NWD2: variants seen among roughly 807,000 people sequenced by gnomAD.
The protein encoded by NWD2 is NACHT and WD repeat domain-containing protein 2.
In NWD2, 37 loss-of-function variants were observed where a neutral mutation model predicts 132.7. The ratio of observed to expected loss-of-function variants is 0.28; its 90% CI spans 0.21 to 0.37. The LOEUF (loss-of-function observed/expected upper bound fraction) is 0.37, where lower values mean the gene tolerates loss of function less well. NWD2 is among the 10% of genes least tolerant of loss of function. The pLI, the probability that NWD2 is intolerant of heterozygous loss-of-function variation, is 1.00. For missense variants in NWD2, 1,592 were observed against 2,122.4 expected (o/e 0.75, Z 4.91); for synonymous variants, 705 against 803.0 (o/e 0.88, Z 2.06).
At chr4:37,436,489 GC>G (rs1712325601) in intron 5 of NWD2, among the ~76,000 whole-genome samples, 1 of 152,104 alleles carries the variant, frequency 6.6e-6, no homozygotes. Flanking sequence ...GATGGGCTCT[GC>G]CAAATTAGTT....
At chr4:37,413,479 T>C (rs1341248119) in intron 3 of NWD2, among the ~76,000 whole-genome samples, 14 of 152,160 alleles carry the variant, frequency 9.2e-5, no homozygotes, top group Admixed American at 1.3e-4. Flanking sequence ...CAACAGATGC[T>C]GGAGAGGATG....
At chr4:37,313,936 T>C (rs1399028199) in intron 1 of NWD2, among the ~76,000 whole-genome samples, 3 of 151,090 alleles carry the variant, frequency 2.0e-5, no homozygotes, top group Non-Finnish European at 4.4e-5. Context: ...GACCTCATTA[T>C]CTGCACACGT....
At chr4:37,405,330 A>G (rs1397004926) in intron 3 of NWD2, among the ~76,000 whole-genome samples, 1 of 152,174 alleles carries the variant, frequency 6.6e-6, no homozygotes, top group Non-Finnish European at 1.5e-5. Context: ...TGGGAGGATT[A>G]TACATTTTTG....
At chr4:37,278,390 T>G (rs1331102978) in intron 1 of NWD2, among the ~76,000 whole-genome samples, 1 of 152,178 alleles carries the variant, frequency 6.6e-6, no homozygotes, top group Non-Finnish European at 1.5e-5. Flanking sequence ...GGAATGGACA[T>G]CATCCACCAC....
At position 37,421,362 on chromosome 4, in the gene NWD2, C is replaced by G. The variant is rs150477160; in HGVS notation, c.358-9210C>G. ...CATTTCATGTGACTCTGTTATGCAG[C>G]TCTTTCACCCTTATGGCTGTTCCCT... On this transcript the variant is annotated intron_variant, in intron 3 of 6. Transcript: ENST00000309447. Among the ~76,000 whole-genome samples, 40 of 152,274 alleles carry G rather than the reference C, an allele frequency of 2.6e-4. No individual in the cohort carries two copies. In the East Asian group the frequency reaches 7.6e-3, roughly 29 times the overall value.
chr4:37,317,732 G>C (rs1008795311), intron 1 of NWD2, among the ~76,000 whole-genome samples: 2 of 152,048 alleles, frequency 1.3e-5, no homozygotes, highest in Admixed American at 1.3e-4. Context: ...TTTGATTATT[G>C]CTTATTGGGA....
intron 3 of NWD2, among the ~76,000 whole-genome samples, chr4:37,368,029 C>G (rs1189555371): frequency 1.3e-5 from 2 of 152,014 alleles, no homozygotes; most frequent in Non-Finnish European, 2.9e-5. Flanking sequence ...AGGTCCTGTT[C>G]CAGTTTTCTT....
intron 1 of NWD2, among the ~76,000 whole-genome samples, chr4:37,273,783 A>G (rs1717928435): frequency 6.6e-6 from 1 of 152,198 alleles, no homozygotes; most frequent in Admixed American, 6.5e-5. Context: ...AACTCACTCA[A>G]AACAGCTCAA....
At chr4:37,359,403 T>TC (rs1204287815) in intron 3 of NWD2, among the ~76,000 whole-genome samples, 1 of 152,046 alleles carries the variant, frequency 6.6e-6, no homozygotes, top group African/African-American at 2.4e-5. Context: ...AAAAAAGTAC[T>TC]CCTCTTAGGG....
chr4:37,312,323 TCTC>T (rs1403509252), intron 1 of NWD2, among the ~76,000 whole-genome samples: 22 of 150,840 alleles, frequency 1.5e-4, no homozygotes, highest in Admixed American at 1.3e-3. Flanking sequence ...GGTTTGTAGT[TCTC>T]CTTGAAGAGG....
chr4:37,393,873 A>G (rs1720727457), intron 3 of NWD2, among the ~76,000 whole-genome samples: 1 of 152,240 alleles, frequency 6.6e-6, no homozygotes, highest in South Asian at 2.1e-4. Context: ...GGCTGGGAGT[A>G]CAAGGCTATC....
intron 1 of NWD2, among the ~76,000 whole-genome samples, chr4:37,272,157 G>A (rs958484081): frequency 2.6e-5 from 4 of 151,626 alleles, no homozygotes; most frequent in African/African-American, 9.7e-5. Flanking sequence ...ACCTAACTTG[G>A]TCGTGATGTA....
intron 3 of NWD2, among the ~76,000 whole-genome samples, chr4:37,406,384 A>T (rs1721043516): frequency 6.6e-6 from 1 of 152,136 alleles, no homozygotes. Flanking sequence ...TTCTTGCCTT[A>T]AAAAAAGGAT....
chr4:37,362,636 A>T (rs527693188), intron 3 of NWD2, among the ~76,000 whole-genome samples: 2 of 151,184 alleles, frequency 1.3e-5, no homozygotes, highest in East Asian at 3.9e-4. Context: ...ATGAAATTGG[A>T]CCCCTATCCT....
chr4:37,428,150 T>C (rs1337736414), intron 3 of NWD2, among the ~76,000 whole-genome samples: 2 of 152,220 alleles, frequency 1.3e-5, no homozygotes, highest in African/African-American at 2.4e-5. Context: ...GACACAGATC[T>C]ACCAAGGACT....
intron 1 of NWD2, among the ~76,000 whole-genome samples, chr4:37,296,874 G>T (rs1261905119): frequency 6.6e-6 from 1 of 152,048 alleles, no homozygotes; most frequent in Non-Finnish European, 1.5e-5. Context: ...GTGATCAAAG[G>T]CTCACAGGAA....
chr4:37,443,929 G>C lies in NWD2; in HGVS notation c.1941G>C (p.Trp647Cys). Residue 647 changes from tryptophan to cysteine, a missense_variant, in exon 7 of 7, where the codon TGG becomes TGC. By Grantham distance (215) the Trp-to-Cys change is radical. Coordinates refer to ENST00000309447, the MANE Select transcript of NWD2 (RefSeq NM_001144990.2). The surrounding 1 kb of genome is among the most constrained non-coding windows in gnomAD (Gnocchi z 4.1). ...TVHESIEQLF[W>C]SLEKKCGQKL... is the part of the protein sequence containing the mutation. ...ATGAAAGTATAGAGCAGTTATTCTG[G>C]TCCTTGGAGAAGAAGTGTGGTCAGA... is the stretch of plus-strand genomic sequence containing the variant. 3 of 1,552,308 alleles carry C rather than the reference G, an allele frequency of 1.9e-6. No individual in the cohort carries two copies. Among genetic ancestry groups the C allele is most frequent in the Non-Finnish European group, 1.7e-6 (2 of 1,147,136 alleles).
At position 37,356,464 on chromosome 4, in the gene NWD2, T is replaced by C. The variant is rs1407506761; in HGVS notation, c.339T>C (p.Ser113=). The C allele has an allele frequency of 2.6e-6, 4 of 1,549,052 alleles. No homozygotes were observed. Among genetic ancestry groups the C allele is most frequent in the African/African-American group, 1.4e-5 (1 of 73,004 alleles). Residue 113 remains serine, a synonymous_variant, in exon 3 of 7, where the codon TCT becomes TCC. Transcript: ENST00000309447. The part of the protein sequence containing the change: ...MKLLENCLKT[S]AGPCFVGLLG... ...TGCTGGAGAATTGCTTGAAAACTTC[T>C]GCAGGTCCATGTTTTGTTGTGGGTA...
At chr4:37,324,384 TTC>T (rs2109287120) in intron 1 of NWD2, among the ~76,000 whole-genome samples, 1 of 152,288 alleles carries the variant, frequency 6.6e-6, no homozygotes, top group East Asian at 1.9e-4. Flanking sequence ...CAGTATTTGT[TTC>T]TTTTTAAAGT....
Sources: allele counts gnomAD v4.1 joint callset (sites outside exome capture counted in the v4.1 genomes callset), GRCh38; gene constraint gnomAD v4.1.1; non-coding constraint Gnocchi (gnomAD v3.1); transcripts MANE v1.5; gene names NCBI Gene and HGNC (gene_info 2026-07-23, HGNC 2026-07-21).